ABLIM1: variants seen among roughly 807,000 people sequenced by gnomAD.
ABLIM1 encodes actin-binding LIM protein 1.
ABLIM1 carries 40 observed loss-of-function variants against 107.0 expected under a neutral mutation model. That is an observed-to-expected ratio of 0.37 (90% CI 0.29 to 0.49). The LOEUF (loss-of-function observed/expected upper bound fraction) is 0.49, where lower values mean the gene tolerates loss of function less well. Ranked by LOEUF, ABLIM1 falls within the 20% of genes least tolerant of loss-of-function variation. The probability of loss-of-function intolerance (pLI) is 0.97; values close to 1 mark genes in which losing one functional copy is unlikely to be tolerated. For missense variants in ABLIM1, 857 were observed against 1,008.5 expected (o/e 0.85, Z 2.04); for synonymous variants, 357 against 357.3 (o/e 1.00, Z 0.01).
At chr10:114,546,190 A>G (rs749457038) in intron 5 of ABLIM1, among the ~76,000 whole-genome samples, 8 of 151,998 alleles carry the variant, frequency 5.3e-5, no homozygotes. Flanking sequence ...CTAGACTGCC[A>G]AGTTACCCAC....
At chr10:114,639,296 C>T (rs773662868) in intron 1 of ABLIM1, among the ~76,000 whole-genome samples, 1 of 152,132 alleles carries the variant, frequency 6.6e-6, no homozygotes. Context: ...CAACCCACAC[C>T]CTGGTTTGTG....
At chr10:114,697,268 T>C (rs2081214895) in intron 1 of ABLIM1, among the ~76,000 whole-genome samples, 1 of 152,214 alleles carries the variant, frequency 6.6e-6, no homozygotes, top group South Asian at 2.1e-4. Context: ...TTTTGAGAAT[T>C]TAAGTGGCAC....
At chr10:114,616,650 G>A (rs1037560865) in intron 1 of ABLIM1, among the ~76,000 whole-genome samples, 4 of 152,118 alleles carry the variant, frequency 2.6e-5, no homozygotes, top group African/African-American at 9.7e-5. Flanking sequence ...GGACCCTCCT[G>A]GGTTCCTTGA....
At chr10:114,743,817 G>A (rs1307087373) in intron 1 of ABLIM1, among the ~76,000 whole-genome samples, 2 of 152,080 alleles carry the variant, frequency 1.3e-5, no homozygotes, top group African/African-American at 4.8e-5. Flanking sequence ...TTTCAGCCTT[G>A]CCACATGAAC....
At chr10:114,479,592 G>A (rs759737948) in intron 8 of ABLIM1, among the ~76,000 whole-genome samples, 3 of 152,088 alleles carry the variant, frequency 2.0e-5, no homozygotes, top group African/African-American at 7.2e-5. Context: ...TGTCTTATCT[G>A]CCAGGACAGT....
chr10:114,592,689 G>A (rs1333684230), intron 2 of ABLIM1, among the ~76,000 whole-genome samples: 1 of 152,138 alleles, frequency 6.6e-6, no homozygotes, highest in African/African-American at 2.4e-5. Context: ...TTGGGATAAT[G>A]ATAAATGGTC....
chr10:114,546,051 C>T (rs1044727860), intron 5 of ABLIM1, among the ~76,000 whole-genome samples: 4 of 152,016 alleles, frequency 2.6e-5, no homozygotes, highest in Admixed American at 6.5e-5. Context: ...CTGCAGACAC[C>T]ACCTCCTCAG....
At chr10:114,680,193 G>A (rs2080684256) in intron 1 of ABLIM1, among the ~76,000 whole-genome samples, 2 of 152,146 alleles carry the variant, frequency 1.3e-5, no homozygotes, top group Non-Finnish European at 2.9e-5. Flanking sequence ...TATTACGCGG[G>A]AGGCACTGTG....
chr10:114,691,030 G>A (rs1236189741), intron 1 of ABLIM1, among the ~76,000 whole-genome samples: 1 of 152,154 alleles, frequency 6.6e-6, no homozygotes, highest in African/African-American at 2.4e-5. Flanking sequence ...AAACATTTCT[G>A]ACATGCATCT....
intron 6 of ABLIM1, among the ~76,000 whole-genome samples, chr10:114,506,415 T>C (rs2061151080): frequency 6.6e-6 from 1 of 152,230 alleles, no homozygotes; most frequent in Non-Finnish European, 1.5e-5. Context: ...AGCTCTGTTT[T>C]AAGTTCTTTA....
At chr10:114,640,064 C>T (rs2078668144) in intron 1 of ABLIM1, among the ~76,000 whole-genome samples, 1 of 152,204 alleles carries the variant, frequency 6.6e-6, no homozygotes, top group Admixed American at 6.5e-5. Context: ...TCCTTCCTAT[C>T]CATGTTAGTT....
chr10:114,784,841 T>C, the ABLIM1 span, among the ~76,000 whole-genome samples: 1 of 152,122 alleles, frequency 6.6e-6, no homozygotes, highest in South Asian at 2.1e-4. Context: ...CCAAAACATA[T>C]GCCTTATTAT....
Position 114,655,638 on chromosome 10 carries a change from T to C in ABLIM1, c.244+2319A>G, listed in dbSNP as rs557336636. 5.9e-5 allele frequency among the ~76,000 whole-genome samples: 9 copies of C among 152,324 alleles called. No homozygotes were observed. In the South Asian group the frequency reaches 1.9e-3, roughly 32 times the overall value. ...AAGGGATTCTAGGTATCCCCTAGTA[T>C]GTGGATCTGATTTTTGAGGGAGGTG... On this transcript the variant is annotated intron_variant, in intron 1 of 22. Transcript: ENST00000533213.
rs115915733 is a variant in ABLIM1 at position 114,601,546 on chromosome 10, G to A, written c.379+281C>T. Among the ~76,000 whole-genome samples the A allele has an allele frequency of 5.7e-3, 868 of 152,288 alleles. 7 individuals are homozygous for A. The highest frequency in any genetic ancestry group is 0.019 in the African/African-American group (796 of 41,570). Reference sequence around the variant, plus strand: ...CTCCCAAAGTGCTGGGATTATAGGCGTGAGCCGGCCTTTTTACTGCTCGTT... The same window carrying A: ...CTCCCAAAGTGCTGGGATTATAGGCATGAGCCGGCCTTTTTACTGCTCGTT... On this transcript the variant is annotated intron_variant, in intron 2 of 22. Transcript: ENST00000533213.
intron 8 of ABLIM1, among the ~76,000 whole-genome samples, chr10:114,476,643 T>C (rs2056460722): frequency 1.1e-5 from 1 of 95,154 alleles, no homozygotes; most frequent in African/African-American, 4.2e-5. Context: ...AAACTCTGCC[T>C]CAAAATAATA....
chr10:114,457,426 CA>C (rs1318640610), intron 12 of ABLIM1, among the ~76,000 whole-genome samples: 2 of 152,080 alleles, frequency 1.3e-5, no homozygotes, highest in African/African-American at 4.8e-5. Context: ...TGCGCCACCA[CA>C]TCCAGCTAGT....
At chr10:114,570,900 C>G (rs935426239) in intron 4 of ABLIM1, among the ~76,000 whole-genome samples, 6 of 152,138 alleles carry the variant, frequency 3.9e-5, no homozygotes, top group African/African-American at 1.4e-4. Context: ...GCCACCACAC[C>G]TGGCCTATTT....
At chr10:114,761,295 C>A (rs2082740327) in intron 1 of ABLIM1, among the ~76,000 whole-genome samples, 1 of 151,796 alleles carries the variant, frequency 6.6e-6, no homozygotes, top group Admixed American at 6.6e-5. Flanking sequence ...GTTCTGATTC[C>A]TATTGTCCCT....
rs574792485 is a variant in ABLIM1 at position 114,529,345 on chromosome 10, G to C, written c.894+15660C>G. On this transcript the variant is annotated intron_variant, in intron 6 of 22. Transcript: ENST00000533213. ...TCACCGTGGTGGCCAGGATGGTCTC[G>C]ATCTCTTGAACTCATGATCGCCTGC... Among the ~76,000 whole-genome samples, 38 of 152,024 alleles carry C rather than the reference G, an allele frequency of 2.5e-4. 1 individual carries two copies. Among genetic ancestry groups the C allele is most frequent in the Admixed American group, 1.8e-3 (27 of 15,270 alleles).
Sources: allele counts gnomAD v4.1 joint callset (sites outside exome capture counted in the v4.1 genomes callset), GRCh38; gene constraint gnomAD v4.1.1; transcripts MANE v1.5; gene names NCBI Gene and HGNC (gene_info 2026-07-23, HGNC 2026-07-21).